The following MRPL14 variants were observed in gnomAD, a reference collection of about 807,000 sequenced individuals.
MRPL14 encodes the protein mitochondrial ribosomal protein L14, also known as large ribosomal subunit protein uL14m.
Under a neutral mutation model 10.9 loss-of-function variants are expected in MRPL14, and 8 were observed. That is an observed-to-expected ratio of 0.74 (90% CI 0.43 to 1.33). The LOEUF is 1.33. Ranked by LOEUF, MRPL14 falls within the 40% of genes most tolerant of loss-of-function variation. MRPL14 has a pLI of 0.01. For synonymous variants in MRPL14, 82 were observed against 74.1 expected (o/e 1.11, Z -0.54); for missense variants, 179 against 194.5 (o/e 0.92, Z 0.47).
chr6:44,125,378 G>A (rs1776860055), intron 1 of MRPL14, among the ~76,000 whole-genome samples: 1 of 152,148 alleles, frequency 6.6e-6, no homozygotes, highest in Non-Finnish European at 1.5e-5. Flanking sequence ...CCTTCTGGCT[G>A]GACAAGGTGG....
intron 1 of MRPL14, among the ~76,000 whole-genome samples, chr6:44,120,233 G>T (rs151251884): frequency 6.6e-6 from 1 of 152,184 alleles, no homozygotes; most frequent in Non-Finnish European, 1.5e-5. Context: ...CCTTGTGCCA[G>T]TGCAACACTC....
chr6:44,127,152 T>TCCCCGCCGGGACC (rs1777194800), intron 1 of MRPL14, 192 bp downstream of exon 1: 1 of 108,806 alleles, frequency 9.2e-6, no homozygotes, highest in Non-Finnish European at 2.2e-5. Flanking sequence ...GTAAGGGGCC[T>TCCCCGCCGGGACC]CCCCTCCCCG....
intron 1 of MRPL14, among the ~76,000 whole-genome samples, chr6:44,122,379 T>C (rs1299250076): frequency 2.0e-5 from 3 of 152,132 alleles, no homozygotes; most frequent in Non-Finnish European, 2.9e-5. Flanking sequence ...CACCGCGCCC[T>C]GCCAGAGAGC....
Position 44,113,487 on chromosome 6 carries a change from T to A in MRPL14, c.*356A>T. On this transcript the variant is annotated 3_prime_UTR_variant, in exon 3 of 3. Transcript: ENST00000372014. The stretch of plus-strand genomic sequence containing the variant: ...GCCATGGTACATTTATAAATTGGCA[T>A]TTGGTGTGTACCTCAGTTTTCCAGG... 1 of 187,322 alleles carries A rather than the reference T, an allele frequency of 5.3e-6. No individual in the cohort carries two copies. The highest frequency in any genetic ancestry group is 1.1e-5 in the Non-Finnish European group (1 of 92,116). The allele number at this position is 187,322 out of a possible 1,614,324, so 11.6% of individuals were successfully genotyped here.
Position 44,114,334 on chromosome 6 carries a change from CAGGAGCAGCAA to C in MRPL14, c.72-136_72-126del, listed in dbSNP as rs1775633039. On this transcript the variant is annotated intron_variant, in intron 2 of 2. Coordinates refer to ENST00000372014, the MANE Select transcript of MRPL14 (RefSeq NM_032111.4). ...AACACACACAGAGCAGAGTGCTGTCCAGGAGCAGCAACAGAAAGTCAGGACTTTGTGAAGAC... is the reference window on the plus strand; with the variant it reads ...AACACACACAGAGCAGAGTGCTGTCCCAGAAAGTCAGGACTTTGTGAAGAC... 8.7e-6 allele frequency: 10 copies of C among 1,144,632 alleles called. No individual in the cohort carries two copies. In the South Asian group the frequency reaches 1.3e-4, roughly 15 times the overall value. 70.9% of individuals were successfully genotyped at this position (1,144,632 alleles called of 1,614,324 possible). A position where few individuals can be genotyped will look rare whatever the true frequency, so the allele number is the denominator to read the frequency against.
intron 1 of MRPL14, among the ~76,000 whole-genome samples, chr6:44,122,431 A>C (rs4714748): frequency 0.61 from 92,087 of 151,924 alleles, 29,139 homozygotes; most frequent in East Asian, 0.82. Context: ...GACACAAAGA[A>C]CCTGTACCTC....
In MRPL14 at chr6:44,113,965, C is replaced by T. The variant is rs753799609; in HGVS notation, c.316G>A (p.Val106Ile). 5.6e-6 allele frequency: 9 copies of T among 1,614,054 alleles called. No individual in the cohort carries two copies. The South Asian group carries it at 9.9e-5, about 18-fold the overall frequency. The part of the protein sequence containing the change: ...MTPRFDSNNV[V>I]LIEDNGNPVG... ...GGGTTCCCGTTGTCCTCAATGAGGA[C>T]CACGTTGTTGGAGTCGAATCTGGGG... is the stretch of plus-strand genomic sequence containing the variant. The change falls in exon 3 of 3, where the codon GTC becomes ATC. Residue 106 changes from valine to isoleucine, a missense_variant. Physicochemically the swap from Val to Ile is conservative, Grantham distance 29 (BLOSUM62 3). Coordinates refer to ENST00000372014, the MANE Select transcript of MRPL14 (RefSeq NM_032111.4).
At chr6:44,123,816 A>G (rs1776675149) in intron 1 of MRPL14, among the ~76,000 whole-genome samples, 1 of 152,178 alleles carries the variant, frequency 6.6e-6, no homozygotes, top group Admixed American at 6.5e-5. Flanking sequence ...GATTGCAGTG[A>G]GCCATAATTT....
chr6:44,114,109 T>C lies in MRPL14; in HGVS notation c.172A>G (p.Ile58Val). 6.2e-7 allele frequency: 1 copy of C among 1,614,178 alleles called. No homozygotes were observed. The highest frequency in any genetic ancestry group is 8.5e-7 in the Non-Finnish European group (1 of 1,180,040). Residue 58 changes from isoleucine to valine, a missense_variant, in exon 3 of 3, where the codon ATC becomes GTC. Transcript: ENST00000372014. ...NSPYHRAPRC[I>V]HVYKKNGVGK... ...ACTCCATTCTTCTTATAGACATGGA[T>C]GCAGCGAGGAGCCCGATGGTATGGG...
At chr6:44,120,728 G>A (rs553107849) in intron 1 of MRPL14, among the ~76,000 whole-genome samples, 1 of 152,304 alleles carries the variant, frequency 6.6e-6, no homozygotes, top group Admixed American at 6.5e-5. Context: ...ATAACAGTAG[G>A]AGTGCAATAA....
chr6:44,125,147 A>C (rs1776823904), intron 1 of MRPL14, among the ~76,000 whole-genome samples: 1 of 152,172 alleles, frequency 6.6e-6, no homozygotes, highest in African/African-American at 2.4e-5. Flanking sequence ...GAGCAATAAT[A>C]AAATATTTTG....
At position 44,124,660 on chromosome 6, in the gene MRPL14, C is replaced by T. The variant is rs114154266; in HGVS notation, c.-19+2684G>A. On this transcript the variant is annotated intron_variant, in intron 1 of 2. Transcript: ENST00000372014. ...AGGGCTCTCCTACTCTGAGTGGTTT[C>T]ACTGGTGAATGGTAAGCTACTTTAC... is the stretch of plus-strand genomic sequence containing the variant. Among the ~76,000 whole-genome samples, 389 of 152,326 alleles carry T rather than the reference C, an allele frequency of 2.6e-3. 3 individuals are homozygous for T. The highest frequency in any genetic ancestry group is 9.0e-3 in the African/African-American group (376 of 41,568).
chr6:44,117,844 T>C, intron 1 of MRPL14, among the ~76,000 whole-genome samples: 1 of 81,430 alleles, frequency 1.2e-5, no homozygotes, highest in Admixed American at 1.7e-4. Context: ...TTTTGTGTTT[T>C]TTTTTTTTTT....
chr6:44,118,739 C>G (rs1284954811), intron 1 of MRPL14, among the ~76,000 whole-genome samples: 1 of 152,096 alleles, frequency 6.6e-6, no homozygotes, highest in Non-Finnish European at 1.5e-5. Context: ...CCGAGGTGGG[C>G]AGATCACCTG....
At chr6:44,120,169 A>T (rs1776259528) in intron 1 of MRPL14, among the ~76,000 whole-genome samples, 1 of 152,160 alleles carries the variant, frequency 6.6e-6, no homozygotes, top group Admixed American at 6.5e-5. Context: ...TCCTCCACAA[A>T]GTCTTGTGTC....
intron 1 of MRPL14, among the ~76,000 whole-genome samples, chr6:44,124,152 G>C (rs1776707825): frequency 6.6e-6 from 1 of 152,044 alleles, no homozygotes; most frequent in African/African-American, 2.4e-5. Context: ...GTTTAGGTGG[G>C]CTCCAGGTTT....
At position 44,113,966 on chromosome 6, in the gene MRPL14, C is replaced by A; in HGVS notation, c.315G>T (p.Val105=). The change falls in exon 3 of 3, where the codon GTG becomes GTT. Residue 105 remains valine (V), a synonymous_variant. Transcript: ENST00000372014. Reference sequence around the variant, plus strand: ...GGTTCCCGTTGTCCTCAATGAGGACCACGTTGTTGGAGTCGAATCTGGGGG... The same window carrying A: ...GGTTCCCGTTGTCCTCAATGAGGACAACGTTGTTGGAGTCGAATCTGGGGG... ...RMTPRFDSNN[V]VLIEDNGNPV... 1 of 1,613,998 alleles carries A rather than the reference C, an allele frequency of 6.2e-7. No individual in the cohort carries two copies. Among genetic ancestry groups the A allele is most frequent in the African/African-American group, 1.3e-5 (1 of 75,012 alleles).
At chr6:44,125,843 A>C (rs1345982887) in intron 1 of MRPL14, among the ~76,000 whole-genome samples, 1 of 152,128 alleles carries the variant, frequency 6.6e-6, no homozygotes, top group Non-Finnish European at 1.5e-5. Context: ...ATCCAAACCT[A>C]CAAAGACCCT....
intron 1 of MRPL14, among the ~76,000 whole-genome samples, chr6:44,125,750 T>A (rs1366849849): frequency 6.7e-6 from 1 of 149,880 alleles, no homozygotes; most frequent in Non-Finnish European, 1.5e-5. Context: ...TTTTCAGATA[T>A]CCATTATAAT....
Sources: gnomAD v4.1 joint callset for allele counts (sites outside exome capture counted in the v4.1 genomes callset) on GRCh38, gnomAD v4.1.1 for gene constraint, MANE v1.5 for transcripts, NCBI Gene and HGNC (gene_info 2026-07-23, HGNC 2026-07-21) for gene names.